The following ZFAND6 variants were observed in gnomAD, a reference collection of about 807,000 sequenced individuals.
The protein encoded by ZFAND6 is AN1-type zinc finger protein 6.
In ZFAND6, 12 loss-of-function variants were observed where a neutral mutation model predicts 24.5. That is an observed-to-expected ratio of 0.49 (90% CI 0.31 to 0.79). The LOEUF (loss-of-function observed/expected upper bound fraction) is 0.79. Ranked by LOEUF, ZFAND6 falls within the 30% of genes least tolerant of loss-of-function variation. ZFAND6 has a pLI of 0.04. For missense variants in ZFAND6, 207 were observed against 245.9 expected, an observed-to-expected ratio of 0.84 and a Z score of 1.06; for synonymous variants, 92 against 81.5, an observed-to-expected ratio of 1.13 and a Z score of -0.69.
At chr15:80,089,259 GTTTTT>G (rs71453501) in intron 1 of ZFAND6, among the ~76,000 whole-genome samples, 5 of 61,106 alleles carry the variant, frequency 8.2e-5, no homozygotes, top group South Asian at 8.3e-4. Flanking sequence ...GAGTGTGTGT[GTTTTT>G]TTTTTTTTTT....
At chr15:80,066,711 A>C (rs1226287202) in intron 1 of ZFAND6, among the ~76,000 whole-genome samples, 1 of 151,920 alleles carries the variant, frequency 6.6e-6, no homozygotes, top group African/African-American at 2.4e-5. Flanking sequence ...AGCCTGGCCA[A>C]CGTGGCGAAA....
chr15:80,091,266 A>G (rs972954458), intron 1 of ZFAND6, among the ~76,000 whole-genome samples: 3 of 151,908 alleles, frequency 2.0e-5, no homozygotes, highest in Non-Finnish European at 4.4e-5. Flanking sequence ...AAGGAGGAGG[A>G]TGTACGTGAA....
chr15:80,130,118 G>GCAGATGAT (rs1387478813), intron 5 of ZFAND6: 2 of 152,180 alleles, frequency 1.3e-5, no homozygotes, highest in Non-Finnish European at 2.9e-5. Context: ...TTCACTTAAG[G>GCAGATGAT]CAGATGATTG....
chr15:80,132,655 A>C (rs1208604862), intron 6 of ZFAND6, among the ~76,000 whole-genome samples: 1 of 152,200 alleles, frequency 6.6e-6, no homozygotes, highest in Non-Finnish European at 1.5e-5. Flanking sequence ...ATTGCCTACC[A>C]CAGTAAAAGG....
chr15:80,096,629 GTGTT>G (rs1191453621), intron 1 of ZFAND6, among the ~76,000 whole-genome samples: 1 of 152,180 alleles, frequency 6.6e-6, no homozygotes, highest in African/African-American at 2.4e-5. Flanking sequence ...TGAAATTGGA[GTGTT>G]TGGGTGCTAT....
Position 80,120,348 on chromosome 15 carries a change from G to A in ZFAND6, c.4G>A (p.Ala2Thr). 2 of 1,568,556 alleles carry A rather than the reference G, an allele frequency of 1.3e-6. No individual in the cohort carries two copies. The highest frequency in any genetic ancestry group is 1.4e-5 in the African/African-American group (1 of 73,412). ...TTCAGGTGTGCAACTGAGGAACATG[G>A]CTCAAGAAACTAATCACAGCCAAGT... M[A>T]QETNHSQVPM... Residue 2 changes from alanine (A) to threonine (T), a missense_variant, in exon 3 of 7, where the codon GCT becomes ACT. Ala to Thr is a moderately conservative substitution (Grantham distance 58). Transcript: ENST00000261749.
intron 1 of ZFAND6, among the ~76,000 whole-genome samples, chr15:80,068,807 C>G (rs1448425122): frequency 6.6e-6 from 1 of 152,194 alleles, no homozygotes. Flanking sequence ...CCACATGTGG[C>G]TCTCATTATG....
At chr15:80,067,860 A>G (rs2036737722) in intron 1 of ZFAND6, among the ~76,000 whole-genome samples, 1 of 152,244 alleles carries the variant, frequency 6.6e-6, no homozygotes, top group Non-Finnish European at 1.5e-5. Flanking sequence ...GTACCAAACA[A>G]TGAAAATATC....
At chr15:80,132,647 T>G (rs1003658345) in intron 6 of ZFAND6, among the ~76,000 whole-genome samples, 5 of 152,210 alleles carry the variant, frequency 3.3e-5, no homozygotes, top group African/African-American at 4.8e-5. Flanking sequence ...TGTAGTAAAT[T>G]GCCTACCACA....
At chr15:80,119,743 A>G (rs758656932) in intron 2 of ZFAND6, among the ~76,000 whole-genome samples, 1 of 152,162 alleles carries the variant, frequency 6.6e-6, no homozygotes, top group Non-Finnish European at 1.5e-5. Context: ...TCAGATAGCA[A>G]TATTTGTTTT....
intron 1 of ZFAND6, among the ~76,000 whole-genome samples, chr15:80,096,982 T>C (rs1187256462): frequency 1.3e-5 from 2 of 152,026 alleles, no homozygotes; most frequent in Non-Finnish European, 2.9e-5. Flanking sequence ...CATTAAAGTT[T>C]AGATATAATG....
intron 1 of ZFAND6, among the ~76,000 whole-genome samples, chr15:80,070,712 A>G (rs2036928239): frequency 6.6e-6 from 1 of 152,162 alleles, no homozygotes; most frequent in Admixed American, 6.5e-5. Context: ...GAAGTGAAAA[A>G]TTGATGCGAG....
At chr15:80,117,092 T>C (rs1464929233) in intron 2 of ZFAND6, among the ~76,000 whole-genome samples, 2 of 152,244 alleles carry the variant, frequency 1.3e-5, no homozygotes, top group African/African-American at 2.4e-5. Flanking sequence ...ATGAATCTTA[T>C]CAGAAACTCT....
chr15:80,063,828 GGT>G (rs2141776999), intron 1 of ZFAND6, among the ~76,000 whole-genome samples: 1 of 152,292 alleles, frequency 6.6e-6, no homozygotes, highest in South Asian at 2.1e-4. Flanking sequence ...TAGGGTTACA[GGT>G]GTGAGCCACT....
intron 2 of ZFAND6, among the ~76,000 whole-genome samples, chr15:80,111,723 T>C (rs2039619874): frequency 6.6e-6 from 1 of 152,250 alleles, no homozygotes; most frequent in East Asian, 1.9e-4. Flanking sequence ...CAAAGTTTAA[T>C]GTGCATTCTT....
intron 2 of ZFAND6, among the ~76,000 whole-genome samples, chr15:80,114,037 A>C (rs1049304658): frequency 1.3e-5 from 2 of 152,158 alleles, no homozygotes; most frequent in African/African-American, 2.4e-5. Context: ...AAAAGGCGCA[A>C]TATGAGCTAG....
At chr15:80,112,035 G>A (rs2039635189) in intron 2 of ZFAND6, among the ~76,000 whole-genome samples, 1 of 152,184 alleles carries the variant, frequency 6.6e-6, no homozygotes, top group Admixed American at 6.5e-5. Flanking sequence ...CGAGGGAGGT[G>A]AATCACCTGA....
At position 80,113,684 on chromosome 15, in the gene ZFAND6, A is replaced by T. The variant is rs531486632; in HGVS notation, c.-17-6644A>T. 2.2e-3 allele frequency among the ~76,000 whole-genome samples: 330 copies of T among 152,262 alleles called. 1 individual carries two copies. The highest frequency in any genetic ancestry group is 7.7e-3 in the African/African-American group (322 of 41,556). ...TTTGCCTGACATGAATACTTGTGAC[A>T]ATAATGAAGTGTGTTTACTCAACAA... On this transcript the variant is annotated intron_variant, in intron 2 of 6. Transcript: ENST00000261749.
chr15:80,067,853 CCAAA>C (rs2036737572), intron 1 of ZFAND6, among the ~76,000 whole-genome samples: 2 of 151,838 alleles, frequency 1.3e-5, no homozygotes, highest in African/African-American at 4.8e-5. Context: ...ATTTCTAGTA[CCAAA>C]CAATGAAAAT....
Sources: allele counts gnomAD v4.1 joint callset (sites outside exome capture counted in the v4.1 genomes callset), GRCh38; gene constraint gnomAD v4.1.1; transcripts MANE v1.5; gene names NCBI Gene and HGNC (gene_info 2026-07-23, HGNC 2026-07-21).